The following REV3L variants were observed in gnomAD, a reference collection of about 807,000 sequenced individuals.
REV3L encodes the protein DNA polymerase zeta catalytic subunit.
In REV3L, 69 loss-of-function variants were observed where a neutral mutation model predicts 299.4. The observed-to-expected ratio is 0.23, with a 90% confidence interval of 0.19 to 0.28. The LOEUF (loss-of-function observed/expected upper bound fraction) is 0.28. Among genes scored for constraint, REV3L ranks in the 10% least tolerant of loss-of-function variants. The pLI is 1.00. For synonymous variants in REV3L, 1,238 were observed against 1,271.4 expected (o/e 0.97, Z 0.56); for missense variants, 3,128 against 3,693.8 (o/e 0.85, Z 3.97).
At chr6:111,425,369 G>T (rs1786050409) in intron 1 of REV3L, among the ~76,000 whole-genome samples, 2 of 152,164 alleles carry the variant, frequency 1.3e-5, no homozygotes, top group African/African-American at 2.4e-5. Flanking sequence ...TGAGGCAGAA[G>T]AATGGCACGA....
chr6:111,455,500 G>A (rs758610229), intron 1 of REV3L, among the ~76,000 whole-genome samples: 29 of 152,182 alleles, frequency 1.9e-4, no homozygotes, highest in South Asian at 6.2e-4. Context: ...GTTGTCTAGA[G>A]TTTTATTTTA....
intron 31 of REV3L, among the ~76,000 whole-genome samples, chr6:111,304,687 T>C (rs932657587): frequency 2.0e-4 from 31 of 151,750 alleles, no homozygotes; most frequent in African/African-American, 6.8e-4. Context: ...ATGTTGAGGT[T>C]TGAGCTTCTA....
At chr6:111,333,091 CAAT>C (rs751419202) in intron 23 of REV3L, 29 bp downstream of exon 23, 1 of 1,607,996 alleles carries the variant, frequency 6.2e-7, no homozygotes, top group Admixed American at 1.7e-5. Flanking sequence ...CAAAGCACAA[CAAT>C]ATTATTGTAA....
intron 1 of REV3L, among the ~76,000 whole-genome samples, chr6:111,426,545 C>T (rs375417574): frequency 3.9e-5 from 6 of 152,134 alleles, no homozygotes; most frequent in East Asian, 3.8e-4. Context: ...ATAACTCCCA[C>T]AAGCTTAGCA....
intron 5 of REV3L, among the ~76,000 whole-genome samples, chr6:111,391,201 G>A (rs1582815379): frequency 6.6e-6 from 1 of 151,956 alleles, no homozygotes; most frequent in Non-Finnish European, 1.5e-5. Flanking sequence ...AAGTAACTGG[G>A]ATTACAAGCA....
intron 13 of REV3L, among the ~76,000 whole-genome samples, chr6:111,371,688 T>C (rs1200810982): frequency 1.3e-5 from 2 of 152,036 alleles, no homozygotes; most frequent in South Asian, 4.1e-4. Context: ...CTCAGCCTCC[T>C]AGGCAGCTGG....
At chr6:111,472,221 A>G in intron 1 of REV3L, 1 of 758,660 alleles carries the variant, frequency 1.3e-6, no homozygotes, top group Non-Finnish European at 1.8e-6. Flanking sequence ...TACATTTTTC[A>G]CATATCAACA....
chr6:111,411,409 T>C, intron 3 of REV3L, 71 bp downstream of exon 3: 1 of 1,034,718 alleles, frequency 9.7e-7, no homozygotes, highest in Non-Finnish European at 1.4e-6. Context: ...AGGCCTTCTT[T>C]CTAGATTTTT....
chr6:111,313,565 G>A (rs1242826247), intron 27 of REV3L, 76 bp from the exon 28 acceptor site: 8 of 1,397,936 alleles, frequency 5.7e-6, no homozygotes, highest in Middle Eastern at 2.0e-4. Flanking sequence ...ATGTCTTTGT[G>A]CTTTCTTTAA....
At chr6:111,408,157 G>A (rs1408632555) in intron 3 of REV3L, among the ~76,000 whole-genome samples, 2 of 152,196 alleles carry the variant, frequency 1.3e-5, no homozygotes, top group African/African-American at 4.8e-5. Context: ...TGAATCTTGA[G>A]CCTCAGAGGT....
At chr6:111,396,423 G>A (rs1782516080) in intron 4 of REV3L, among the ~76,000 whole-genome samples, 1 of 151,408 alleles carries the variant, frequency 6.6e-6, no homozygotes, top group Non-Finnish European at 1.5e-5. Context: ...TTGTGTCTAT[G>A]TTCATCAGTG....
chr6:111,349,336 T>C lies in REV3L; in HGVS notation c.7301A>G (p.Asp2434Gly), dbSNP rs763222018. 1 of 1,515,816 alleles carries C rather than the reference T, an allele frequency of 6.6e-7. No homozygotes were observed. Among genetic ancestry groups the C allele is most frequent in the South Asian group, 1.2e-5 (1 of 85,434 alleles). The allele number at this position is 1,515,816 out of a possible 1,614,324, so 93.9% of individuals were successfully genotyped here. ...TGCAAATCTGTTCTCAATTTTGTCA[T>C]CTATAGAAATGAAAACAGACTGTAT... ...DLCRMISRVP[D>G]DKIENRFAAE... Residue 2434 changes from aspartate (D) to glycine (G), a missense_variant and splice_region_variant, in exon 20 of 32, where the codon GAT becomes GGT. Transcript: ENST00000368802.
intron 1 of REV3L, among the ~76,000 whole-genome samples, chr6:111,440,363 C>T (rs565131162): frequency 6.6e-6 from 1 of 152,132 alleles, no homozygotes; most frequent in Non-Finnish European, 1.5e-5. Flanking sequence ...GCCACCACGC[C>T]GAGTCCCAAA....
At chr6:111,472,831 C>T (rs1389561387) in intron 1 of REV3L, among the ~76,000 whole-genome samples, 1 of 152,012 alleles carries the variant, frequency 6.6e-6, no homozygotes, top group Non-Finnish European at 1.5e-5. Context: ...AACAAAAACA[C>T]CAAAAAGGTT....
intron 1 of REV3L, among the ~76,000 whole-genome samples, chr6:111,445,556 T>C (rs756613459): frequency 2.0e-5 from 3 of 152,238 alleles, no homozygotes; most frequent in Non-Finnish European, 2.9e-5. Flanking sequence ...CATACGTTTT[T>C]ACTGAACACC....
Position 111,367,124 on chromosome 6 carries a change from A to C in REV3L, c.6664T>G (p.Leu2222Val), listed in dbSNP as rs1291033231. The C allele has an allele frequency of 2.5e-6, 4 of 1,576,552 alleles. No individual in the cohort carries two copies. In the Admixed American group the frequency reaches 7.9e-5, roughly 31 times the overall value. The change falls in exon 14 of 32, where the codon TTA (leucine) becomes GTA (valine). Residue 2222 changes from leucine to valine, a missense_variant. Leu to Val is a conservative substitution (Grantham distance 32). Coordinates refer to ENST00000368802, the MANE Select transcript of REV3L (RefSeq NM_001372078.1). ...TTATTTGTACACTTACCTGTTGATA[A>C]TGGGCTAAGGCCAGGTGCTTCAGGA... ...RLPEAPGLSP[L>V]STEPKTQKLS...
At chr6:111,324,693 G>A (rs1444036873) in intron 25 of REV3L, among the ~76,000 whole-genome samples, 2 of 152,166 alleles carry the variant, frequency 1.3e-5, no homozygotes, top group Non-Finnish European at 2.9e-5. Flanking sequence ...CAGCACTAGA[G>A]TGAGGGGGAG....
At position 111,373,726 on chromosome 6, in the gene REV3L, A is replaced by G. The variant is rs1780023269; in HGVS notation, c.4629T>C (p.Asn1543=). 3 of 1,613,788 alleles carry G rather than the reference A, an allele frequency of 1.9e-6. No homozygotes were observed. Among genetic ancestry groups the G allele is most frequent in the Non-Finnish European group, 1.7e-6 (2 of 1,179,934 alleles). Residue 1543 remains asparagine (N), a synonymous_variant, in exon 13 of 32, where the codon AAT becomes AAC. Coordinates refer to ENST00000368802, the MANE Select transcript of REV3L (RefSeq NM_001372078.1). ...LLQKRQQKAQ[N]ANTTQDPLSN... ...ATAATGGGTCTTGTGTAGTATTTGCATTTTGTGCTTTCTGCTGTCTTTTTT... is the reference window on the plus strand; with the variant it reads ...ATAATGGGTCTTGTGTAGTATTTGCGTTTTGTGCTTTCTGCTGTCTTTTTT...
chr6:111,403,832 G>A (rs1160604355), intron 4 of REV3L, among the ~76,000 whole-genome samples: 1 of 152,190 alleles, frequency 6.6e-6, no homozygotes, highest in African/African-American at 2.4e-5. Flanking sequence ...CCAAAAGCTA[G>A]GTCTCTTGTG....
Sources: gnomAD v4.1 joint callset for allele counts (sites outside exome capture counted in the v4.1 genomes callset) on GRCh38, gnomAD v4.1.1 for gene constraint, MANE v1.5 for transcripts, NCBI Gene and HGNC (gene_info 2026-07-23, HGNC 2026-07-21) for gene names.